The following RGPD2 variants were observed in gnomAD, a reference collection of about 807,000 sequenced individuals.
RGPD2 encodes RANBP2-like and GRIP domain-containing protein 2.
Under a neutral mutation model 36.0 loss-of-function variants are expected in RGPD2, and 2 were observed. The ratio of observed to expected loss-of-function variants is 0.06; its 90% CI spans 0.02 to 0.17. The LOEUF is 0.17. Among genes scored for constraint, RGPD2 ranks in the 10% least tolerant of loss-of-function variants. The probability of loss-of-function intolerance (pLI) is 1.00; values close to 1 mark genes in which losing one functional copy is unlikely to be tolerated. For missense variants in RGPD2, 40 were observed against 464.3 expected (o/e 0.09, Z 8.40); for synonymous variants, 19 against 163.8 (o/e 0.12, Z 6.75).
the RGPD2 span, among the ~76,000 whole-genome samples, chr2:87,869,874 T>C: frequency 6.6e-6 from 1 of 152,262 alleles, no homozygotes; most frequent in African/African-American, 2.4e-5. Flanking sequence ...CATTCCCGTC[T>C]TCTAAAAACT....
At chr2:87,976,416 T>G in the RGPD2 span, among the ~76,000 whole-genome samples, 1 of 152,154 alleles carries the variant, frequency 6.6e-6, no homozygotes, top group African/African-American at 2.4e-5. Flanking sequence ...GTACCAAGGT[T>G]TTATTCAAAA....
At chr2:87,919,693 T>C in the RGPD2 span, among the ~76,000 whole-genome samples, 1 of 145,148 alleles carries the variant, frequency 6.9e-6, no homozygotes, top group East Asian at 2.0e-4. Flanking sequence ...AGAGAAGTAG[T>C]GTGGGAAAGG....
the RGPD2 span, among the ~76,000 whole-genome samples, chr2:87,986,121 G>A: frequency 0.9 from 126,704 of 140,550 alleles, 57,498 homozygotes; most frequent in East Asian, 1. Context: ...GGGCTTGAAA[G>A]GGGTCTGAAG....
chr2:87,966,505 C>T, the RGPD2 span, among the ~76,000 whole-genome samples: 18 of 150,480 alleles, frequency 1.2e-4, no homozygotes, highest in African/African-American at 3.9e-4. Context: ...GCTTAACATT[C>T]ATATCCTGTC....
At chr2:87,798,760 G>C (rs1217757882) in intron 8 of RGPD2, among the ~76,000 whole-genome samples, 1 of 127,960 alleles carries the variant, frequency 7.8e-6, no homozygotes, top group East Asian at 2.3e-4. Flanking sequence ...CCCAGCTACT[G>C]GGGAGGCTGA....
the RGPD2 span, among the ~76,000 whole-genome samples, chr2:87,976,614 G>T: frequency 6.6e-6 from 1 of 152,116 alleles, no homozygotes; most frequent in Non-Finnish European, 1.5e-5. Flanking sequence ...GTATTTGTGA[G>T]ATCTCAGACA....
In RGPD2 at chr2:87,756,866, G is replaced by C; in HGVS notation, c.*526C>G. The stretch of plus-strand genomic sequence containing the variant: ...CTGGGAATGGAAAGAACTACAGAGG[G>C]ACGATGTCCAAAACAAAAAATGGCA... On this transcript the variant is annotated 3_prime_UTR_variant, in exon 23 of 23. Coordinates refer to ENST00000398146, the MANE Select transcript of RGPD2 (RefSeq NM_001078170.3). 1.3e-6 allele frequency: 1 copy of C among 776,626 alleles called. No homozygotes were observed. Among genetic ancestry groups the C allele is most frequent in the South Asian group, 1.4e-5 (1 of 73,080 alleles). The allele number at this position is 776,626 out of a possible 1,614,324, so 48.1% of individuals were successfully genotyped here. A position where few individuals can be genotyped will look rare whatever the true frequency, so the allele number is the denominator to read the frequency against.
the RGPD2 span, among the ~76,000 whole-genome samples, chr2:87,921,951 T>C: frequency 6.6e-6 from 1 of 151,190 alleles, no homozygotes; most frequent in South Asian, 2.1e-4. Context: ...ACTGACTTGA[T>C]GGTCAAGGTG....
chr2:87,922,184 T>C, the RGPD2 span, among the ~76,000 whole-genome samples: 1 of 148,832 alleles, frequency 6.7e-6, no homozygotes, highest in South Asian at 2.1e-4. Context: ...TCCCAGCTAC[T>C]CAGGAGGCTG....
the RGPD2 span, among the ~76,000 whole-genome samples, chr2:87,881,451 G>A: frequency 6.6e-6 from 1 of 152,060 alleles, no homozygotes; most frequent in Admixed American, 6.5e-5. Context: ...AACATCCTCT[G>A]AAATCTAGGC....
intron 22 of RGPD2, among the ~76,000 whole-genome samples, chr2:87,769,328 G>C (rs1291910110): frequency 1.3e-5 from 2 of 150,496 alleles, no homozygotes; most frequent in African/African-American, 4.9e-5. Flanking sequence ...AACCATCATT[G>C]TTTTTAATTG....
the RGPD2 span, among the ~76,000 whole-genome samples, chr2:87,960,114 G>A: frequency 6.9e-6 from 1 of 145,924 alleles, no homozygotes; most frequent in Non-Finnish European, 1.5e-5. Context: ...TTTAAACATA[G>A]TCGTGTTTGT....
the RGPD2 span, among the ~76,000 whole-genome samples, chr2:87,920,767 A>G: frequency 9.7e-6 from 1 of 102,962 alleles, no homozygotes; most frequent in African/African-American, 4.3e-5. Flanking sequence ...GTGTTTACAG[A>G]CACATAGTAT....
At chr2:87,916,890 T>C in the RGPD2 span, among the ~76,000 whole-genome samples, 1 of 151,824 alleles carries the variant, frequency 6.6e-6, no homozygotes, top group African/African-American at 2.4e-5. Context: ...ACGAGTGAAA[T>C]ATTTAAAATG....
At chr2:87,970,223 C>T in the RGPD2 span, among the ~76,000 whole-genome samples, 2 of 151,928 alleles carry the variant, frequency 1.3e-5, no homozygotes, top group South Asian at 2.1e-4. Flanking sequence ...TCTACCACTT[C>T]GGAATTTTAT....
At chr2:87,937,835 G>T in the RGPD2 span, among the ~76,000 whole-genome samples, 2 of 151,966 alleles carry the variant, frequency 1.3e-5, no homozygotes, top group Non-Finnish European at 2.9e-5. Context: ...TCAGGGCAAA[G>T]AGTATTTCAA....
the RGPD2 span, among the ~76,000 whole-genome samples, chr2:87,881,666 T>G: frequency 6.8e-6 from 1 of 148,010 alleles, no homozygotes; most frequent in East Asian, 1.9e-4. Context: ...TCCTTCAACT[T>G]CCTGTCTTCT....
the RGPD2 span, among the ~76,000 whole-genome samples, chr2:87,945,588 G>C: frequency 3.4e-5 from 5 of 145,222 alleles, no homozygotes; most frequent in African/African-American, 1.3e-4. Flanking sequence ...AAAAAGAAAA[G>C]TAGAAAATAA....
chr2:87,822,079 C>T (rs1380236272), intron 1 of RGPD2, among the ~76,000 whole-genome samples: 1 of 152,134 alleles, frequency 6.6e-6, no homozygotes, highest in Non-Finnish European at 1.5e-5. Flanking sequence ...CTCAACAAAC[C>T]CATCTGATCA....
Sources: allele counts gnomAD v4.1 joint callset (sites outside exome capture counted in the v4.1 genomes callset), GRCh38; gene constraint gnomAD v4.1.1; transcripts MANE v1.5; gene names NCBI Gene and HGNC (gene_info 2026-07-23, HGNC 2026-07-21).